Variants in GALNT18 observed in about 807,000 individuals in gnomAD.
The protein encoded by GALNT18 is polypeptide N-acetylgalactosaminyltransferase 18.
In GALNT18, 44 loss-of-function variants were observed where a neutral mutation model predicts 69.5. That is an observed-to-expected ratio of 0.63 (90% CI 0.50 to 0.81). The LOEUF is 0.81. Among genes scored for constraint, GALNT18 ranks in the 40% least tolerant of loss-of-function variants. The probability of loss-of-function intolerance (pLI) is 0.00; values close to 1 mark genes in which losing one functional copy is unlikely to be tolerated. For synonymous variants in GALNT18, 364 were observed against 318.2 expected (o/e 1.14, Z -1.53); for missense variants, 715 against 810.0 (o/e 0.88, Z 1.42).
chr11:11,381,011 T>C (rs1197204465), intron 3 of GALNT18, among the ~76,000 whole-genome samples: 1 of 152,198 alleles, frequency 6.6e-6, no homozygotes, highest in Non-Finnish European at 1.5e-5. Context: ...ACTTCTGGGC[T>C]GCCACTGACA....
Position 11,285,764 on chromosome 11 carries a change from A to ACTC in GALNT18, c.1677+7262_1677+7264dup, listed in dbSNP as rs569755393. On this transcript the variant is annotated intron_variant, in intron 10 of 10. Transcript: ENST00000227756. The stretch of plus-strand genomic sequence containing the variant: ...GGATTGGAGCAGGAGAAAGTCAAGG[A>ACTC]CTCCTCCTCCTCCTCTAGCATGGGG... Among the ~76,000 whole-genome samples the ACTC allele has an allele frequency of 2.6e-5, 4 of 151,758 alleles. No homozygotes were observed. The South Asian group carries it at 6.3e-4, about 24-fold the overall frequency.
At chr11:11,407,904 G>C (rs1048722585) in intron 3 of GALNT18, among the ~76,000 whole-genome samples, 6 of 152,180 alleles carry the variant, frequency 3.9e-5, no homozygotes, top group Non-Finnish European at 8.8e-5. Context: ...TGGATGCACC[G>C]AGTGGAGGCC....
Position 11,541,007 on chromosome 11 carries a change from A to C in GALNT18, c.235+80352T>G, listed in dbSNP as rs532479398. Among the ~76,000 whole-genome samples, 1 of 152,356 alleles carries C rather than the reference A, an allele frequency of 6.6e-6. No individual in the cohort carries two copies. Among genetic ancestry groups the C allele is most frequent in the African/African-American group, 2.4e-5 (1 of 41,576 alleles). On this transcript the variant is annotated intron_variant, in intron 1 of 10. Coordinates refer to ENST00000227756, the MANE Select transcript of GALNT18 (RefSeq NM_198516.3). This position sits in a 1 kb window ranked among gnomAD's most constrained non-coding sequence, Gnocchi z 4.8. ...TTTGATGGTGGATACTTCGGAAAAC[A>C]GAAATAGAATTACTTAAAGTGATGC... is the stretch of plus-strand genomic sequence containing the variant.
chr11:11,424,551 C>T (rs892521163), intron 3 of GALNT18, among the ~76,000 whole-genome samples: 5 of 152,270 alleles, frequency 3.3e-5, no homozygotes, highest in Middle Eastern at 3.4e-3. Flanking sequence ...AGAATGACTA[C>T]GATGAGCGGC....
At chr11:11,386,135 C>A (rs2133704819) in intron 3 of GALNT18, among the ~76,000 whole-genome samples, 1 of 152,296 alleles carries the variant, frequency 6.6e-6, no homozygotes, top group South Asian at 2.1e-4. Context: ...GGTTAAGCCA[C>A]CCAGATGGTG....
rs1319849370 is a variant in GALNT18 at position 11,430,883 on chromosome 11, C to G, written c.595+1738G>C. Among the ~76,000 whole-genome samples, 1 of 152,188 alleles carries G rather than the reference C, an allele frequency of 6.6e-6. No individual in the cohort carries two copies. The highest frequency in any genetic ancestry group is 1.5e-5 in the Non-Finnish European group (1 of 68,032). On this transcript the variant is annotated intron_variant, in intron 3 of 10. Coordinates refer to ENST00000227756, the MANE Select transcript of GALNT18 (RefSeq NM_198516.3). This position sits in a 1 kb window ranked among gnomAD's most constrained non-coding sequence, Gnocchi z 4.9. ...CCCCGCCAATATAATAAAGCATGACCAAATTCCTCCATTGCCCAACTCTGA... is the reference window on the plus strand; with the variant it reads ...CCCCGCCAATATAATAAAGCATGACGAAATTCCTCCATTGCCCAACTCTGA...
intron 10 of GALNT18, among the ~76,000 whole-genome samples, chr11:11,280,028 G>A (rs138082724): frequency 1.4e-4 from 22 of 152,198 alleles, no homozygotes; most frequent in Non-Finnish European, 2.9e-4. Context: ...GAGGGGACAT[G>A]GGATTACCGA....
intron 3 of GALNT18, among the ~76,000 whole-genome samples, chr11:11,388,312 T>C (rs1325211948): frequency 6.6e-6 from 1 of 152,134 alleles, no homozygotes; most frequent in Non-Finnish European, 1.5e-5. Context: ...AACACCTTCT[T>C]ATCAGTGCCA....
Position 11,341,087 on chromosome 11 carries a change from G to C in GALNT18, c.1093-83C>G, listed in dbSNP as rs989994623. 2 of 1,373,180 alleles carry C rather than the reference G, an allele frequency of 1.5e-6. No homozygotes were observed. Among genetic ancestry groups the C allele is most frequent in the African/African-American group, 2.9e-5 (2 of 69,136 alleles). 85.1% of individuals were successfully genotyped at this position (1,373,180 alleles called of 1,614,324 possible). On this transcript the variant is annotated intron_variant, in intron 6 of 10. Transcript: ENST00000227756. The surrounding 1 kb of genome is among the most constrained non-coding windows in gnomAD (Gnocchi z 6.3). ...GGCCTCAGGCAGCCACTTGACATGA[G>C]CAGGAAGAAAGTCAGCCCCTTCACC...
Position 11,618,598 on chromosome 11 carries a change from T to C in GALNT18, c.235+2761A>G, listed in dbSNP as rs1860115566. Among the ~76,000 whole-genome samples, 1 of 152,150 alleles carries C rather than the reference T, an allele frequency of 6.6e-6. No individual in the cohort carries two copies. The highest frequency in any genetic ancestry group is 2.4e-5 in the African/African-American group (1 of 41,420). Reference sequence around the variant, plus strand: ...CCTGGGAGACAGTTTAGTACGTGGGTAAGAACTTAGACTTCTGAAGCCACA... The same window carrying C: ...CCTGGGAGACAGTTTAGTACGTGGGCAAGAACTTAGACTTCTGAAGCCACA... On this transcript the variant is annotated intron_variant, in intron 1 of 10. Transcript: ENST00000227756. The surrounding 1 kb of genome is among the most constrained non-coding windows in gnomAD (Gnocchi z 6.1).
At chr11:11,300,709 G>T (rs1471227604) in intron 9 of GALNT18, among the ~76,000 whole-genome samples, 1 of 152,168 alleles carries the variant, frequency 6.6e-6, no homozygotes, top group Admixed American at 6.5e-5. Flanking sequence ...GAGAGCAAAT[G>T]AAATCACAAG....
chr11:11,298,581 G>A lies in GALNT18; in HGVS notation c.1513-5388C>T, dbSNP rs147066730. On this transcript the variant is annotated intron_variant, in intron 9 of 10. Coordinates refer to ENST00000227756, the MANE Select transcript of GALNT18 (RefSeq NM_198516.3). ...TGCCCAGGCCCGGGAGCTTGGTCCC[G>A]AGGGCCACCATGAACTCACCCATGA... is the stretch of plus-strand genomic sequence containing the variant. 5.9e-5 allele frequency among the ~76,000 whole-genome samples: 9 copies of A among 152,240 alleles called. No homozygotes were observed. In the South Asian group the frequency reaches 6.2e-4, roughly 11 times the overall value.
intron 9 of GALNT18, among the ~76,000 whole-genome samples, chr11:11,303,070 C>A (rs1420029322): frequency 6.6e-6 from 1 of 152,190 alleles, no homozygotes; most frequent in Admixed American, 6.5e-5. Context: ...GTTAGTGCCT[C>A]ACCCATGCAT....
intron 9 of GALNT18, among the ~76,000 whole-genome samples, chr11:11,307,053 C>A (rs913692519): frequency 1.4e-4 from 22 of 152,202 alleles, no homozygotes; most frequent in African/African-American, 5.1e-4. Flanking sequence ...GTCAGCCAGT[C>A]TCCAGAAGCA....
chr11:11,575,928 G>A (rs939482820), intron 1 of GALNT18, among the ~76,000 whole-genome samples: 1 of 152,168 alleles, frequency 6.6e-6, no homozygotes, highest in Non-Finnish European at 1.5e-5. Flanking sequence ...CATATATATG[G>A]AAGACTTACA....
At chr11:11,479,058 C>G (rs1856467720) in intron 1 of GALNT18, among the ~76,000 whole-genome samples, 2 of 152,240 alleles carry the variant, frequency 1.3e-5, no homozygotes, top group African/African-American at 4.8e-5. Flanking sequence ...GCCCTTGGCT[C>G]TCTAGCCCTA....
At chr11:11,273,149 TTTC>T (rs1449822337) in intron 10 of GALNT18, among the ~76,000 whole-genome samples, 3 of 152,134 alleles carry the variant, frequency 2.0e-5, no homozygotes, top group South Asian at 4.1e-4. Context: ...TGGGCAACAA[TTTC>T]TTGAGACAGA....
At position 11,377,088 on chromosome 11, in the gene GALNT18, T is replaced by C; in HGVS notation, c.977+94A>G. The C allele has an allele frequency of 1.6e-6, 2 of 1,229,292 alleles. No homozygotes were observed. Among genetic ancestry groups the C allele is most frequent in the East Asian group, 4.7e-5 (2 of 42,668 alleles). The allele number at this position is 1,229,292 out of a possible 1,614,324, so 76.1% of individuals were successfully genotyped here. ...CTGCCCACCCCTGTCATCCCCACGA[T>C]GGGGCTCAAGTTGGAGAATAAGCAT... On this transcript the variant is annotated intron_variant, in intron 5 of 10. Transcript: ENST00000227756. The surrounding 1 kb of genome is among the most constrained non-coding windows in gnomAD (Gnocchi z 4.6).
At position 11,342,258 on chromosome 11, in the gene GALNT18, T is replaced by C. The variant is rs12290651; in HGVS notation, c.1093-1254A>G. The stretch of plus-strand genomic sequence containing the variant: ...ATCAGTCAATCAATCAATGTATAAA[T>C]GGCTGACATTTACTGAATTTCAGGT... On this transcript the variant is annotated intron_variant, in intron 6 of 10. Transcript: ENST00000227756. Among the ~76,000 whole-genome samples, 1,411 of 152,300 alleles carry C rather than the reference T, an allele frequency of 9.3e-3. 25 individuals are homozygous for C. The highest frequency in any genetic ancestry group is 0.032 in the African/African-American group (1,339 of 41,566).
Sources: allele counts gnomAD v4.1 joint callset (sites outside exome capture counted in the v4.1 genomes callset), GRCh38; gene constraint gnomAD v4.1.1; non-coding constraint Gnocchi (gnomAD v3.1); transcripts MANE v1.5; gene names NCBI Gene and HGNC (gene_info 2026-07-23, HGNC 2026-07-21).